Variants in SGCE observed in about 807,000 individuals in gnomAD.
SGCE encodes sarcoglycan epsilon, also known as epsilon-sarcoglycan.
A neutral mutation model predicts 57.8 loss-of-function variants in SGCE; 26 were observed. That is an observed-to-expected ratio of 0.45 (90% CI 0.33 to 0.62). The LOEUF is 0.62. SGCE is among the 20% of genes least tolerant of loss of function. SGCE has a pLI of 0.02. For synonymous variants in SGCE, 183 were observed against 189.5 expected (o/e 0.97, Z 0.28); for missense variants, 468 against 548.6 (o/e 0.85, Z 1.47).
chr7:94,595,021 G>A (rs183817496), intron 9 of SGCE, among the ~76,000 whole-genome samples: 127 of 152,188 alleles, frequency 8.3e-4, no homozygotes, highest in African/African-American at 2.7e-3. Context: ...GTCAATGACC[G>A]ACACTATCTA....
chr7:94,627,908 G>A (rs1026695623), intron 3 of SGCE: 3 of 338,948 alleles, frequency 8.9e-6, no homozygotes, highest in Admixed American at 8.4e-5. Flanking sequence ...AGTCTATCAA[G>A]TCTACAATTA....
chr7:94,624,572 G>A (rs566336210), intron 3 of SGCE: 24 of 209,872 alleles, frequency 1.1e-4, no homozygotes, highest in Admixed American at 7.0e-4. Context: ...ATTTCACACC[G>A]GACATTAAAA....
rs370599798 is a variant in SGCE, at chr7:94,595,215, T to C, written c.1253+3560A>G. On this transcript the variant is annotated intron_variant, in intron 9 of 10. Transcript: ENST00000648936. ...TTCTACCAAAAAGAAAATATTACTA[T>C]GTAATTGATAATGGTGGCAGCCATT... 2.8e-4 allele frequency among the ~76,000 whole-genome samples: 42 copies of C among 152,296 alleles called. No individual in the cohort carries two copies. In the South Asian group the frequency reaches 8.3e-3, roughly 30 times the overall value.
chr7:94,599,829 C>G, intron 7 of SGCE, 106 bp from the exon 8 acceptor site: 2 of 878,366 alleles, frequency 2.3e-6, no homozygotes, highest in Admixed American at 3.5e-5. Context: ...CTGACATTGT[C>G]ACTATTAAAT....
rs1381981104 is a variant in SGCE, at chr7:94,650,012, CA to C, written c.109+5977del. 2.0e-5 allele frequency among the ~76,000 whole-genome samples: 3 copies of C among 152,114 alleles called. No individual in the cohort carries two copies. The East Asian group carries it at 5.8e-4, about 29-fold the overall frequency. ...AATTCATTTTAAGAAATCATATTTT[CA>C]AAGTTTGATATACTAACCCAAATAA... On this transcript the variant is annotated intron_variant, in intron 1 of 10. Coordinates refer to ENST00000648936, the MANE Select transcript of SGCE (RefSeq NM_003919.3).
At chr7:94,614,941 TG>T (rs1183556228) in intron 5 of SGCE, among the ~76,000 whole-genome samples, 2 of 152,226 alleles carry the variant, frequency 1.3e-5, no homozygotes, top group African/African-American at 4.8e-5. Flanking sequence ...TTTGTTTTTT[TG>T]TTATAAAAAT....
Position 94,646,755 on chromosome 7 carries a change from T to C in SGCE, c.109+9235A>G, listed in dbSNP as rs569730710. ...CTGTTCACAATAAAAAATATAACAATGCTCACATGCTCTTTCCAACTAAGT... is the reference window on the plus strand; with the variant it reads ...CTGTTCACAATAAAAAATATAACAACGCTCACATGCTCTTTCCAACTAAGT... On this transcript the variant is annotated intron_variant, in intron 1 of 10. Transcript: ENST00000648936. Among the ~76,000 whole-genome samples, 7 of 152,302 alleles carry C rather than the reference T, an allele frequency of 4.6e-5. No individual in the cohort carries two copies. The South Asian group carries it at 1.2e-3, about 27-fold the overall frequency.
At chr7:94,601,470 A>AC (rs1045886211) in intron 6 of SGCE, among the ~76,000 whole-genome samples, 14 of 130,092 alleles carry the variant, frequency 1.1e-4, no homozygotes, top group African/African-American at 3.8e-4. Flanking sequence ...AAAAAAAAAA[A>AC]AAAAAACTAC....
At chr7:94,587,279 A>C (rs1797034947) in intron 10 of SGCE, 1 of 988,438 alleles carries the variant, frequency 1.0e-6, no homozygotes, top group African/African-American at 1.7e-5. Context: ...AATTGCCCTA[A>C]TATCATCTAC....
chr7:94,613,269 T>G (rs1801350422), intron 5 of SGCE, among the ~76,000 whole-genome samples: 1 of 152,204 alleles, frequency 6.6e-6, no homozygotes, highest in Non-Finnish European at 1.5e-5. Context: ...TTTGTCTGAG[T>G]CCATGTGTAA....
At chr7:94,586,782 G>C in intron 10 of SGCE, 5 of 966,796 alleles carry the variant, frequency 5.2e-6, no homozygotes, top group Non-Finnish European at 6.1e-6. Context: ...GATTACAGGT[G>C]TGAGCCACCG....
At chr7:94,594,003 C>T (rs1376102700) in intron 9 of SGCE, among the ~76,000 whole-genome samples, 3 of 152,160 alleles carry the variant, frequency 2.0e-5, no homozygotes, top group African/African-American at 7.2e-5. Flanking sequence ...AGAATGTGTA[C>T]TGTAAAAGCT....
chr7:94,652,497 G>A (rs186277167), intron 1 of SGCE, among the ~76,000 whole-genome samples: 5 of 152,180 alleles, frequency 3.3e-5, no homozygotes, highest in African/African-American at 1.2e-4. Context: ...AATATTTTGT[G>A]TACTGCATGA....
chr7:94,614,434 C>G (rs368391408), intron 5 of SGCE, among the ~76,000 whole-genome samples: 2 of 152,112 alleles, frequency 1.3e-5, no homozygotes, highest in East Asian at 1.9e-4. Flanking sequence ...GGATGAAATC[C>G]AAATAACTTT....
intron 4 of SGCE, chr7:94,620,908 G>T (rs1248585028): frequency 6.6e-6 from 1 of 152,200 alleles, no homozygotes; most frequent in African/African-American, 2.4e-5. Context: ...TAACTCTGGG[G>T]AAATCCCATG....
chr7:94,610,044 G>A (rs763832919), intron 5 of SGCE, among the ~76,000 whole-genome samples: 7 of 152,106 alleles, frequency 4.6e-5, no homozygotes, highest in East Asian at 3.8e-4. Flanking sequence ...ATAAGCTATC[G>A]AGCCATGAAA....
intron 7 of SGCE, 27 bp downstream of exon 7, chr7:94,600,619 T>G: frequency 6.6e-7 from 1 of 1,515,002 alleles, no homozygotes; most frequent in Non-Finnish European, 9.2e-7. Context: ...GGATCTCTAA[T>G]TATCTTATTA....
At position 94,628,268 on chromosome 7, in the gene SGCE, T is replaced by C. The variant is rs554784851; in HGVS notation, c.324A>G (p.Pro108=). Residue 108 remains proline (P), a synonymous_variant, in exon 3 of 11, where the codon CCA becomes CCG. Transcript: ENST00000648936. The part of the protein sequence containing the change: ...PGWLRYIQRT[P]YSDGVLYGSP... ...ACCCATATAGGACTCCATCACTATA[T>C]GGTGTCCTTTGGATATATCGAAGCC... 1.2e-6 allele frequency: 2 copies of C among 1,611,878 alleles called. No homozygotes were observed. Among genetic ancestry groups the C allele is most frequent in the African/African-American group, 2.7e-5 (2 of 74,956 alleles).
chr7:94,629,396 T>C (rs1033944818), intron 2 of SGCE: 1 of 264,120 alleles, frequency 3.8e-6, no homozygotes, highest in African/African-American at 2.3e-5. Context: ...ATGTACTATG[T>C]GAGAATCTAG....
Sources: gnomAD v4.1 joint callset for allele counts (sites outside exome capture counted in the v4.1 genomes callset) on GRCh38, gnomAD v4.1.1 for gene constraint, MANE v1.5 for transcripts, NCBI Gene and HGNC (gene_info 2026-07-23, HGNC 2026-07-21) for gene names.